PDE4B: variants seen among roughly 807,000 people sequenced by gnomAD.
PDE4B encodes 3',5'-cyclic-AMP phosphodiesterase 4B.
In PDE4B, 20 loss-of-function variants were observed where a neutral mutation model predicts 82.2. The observed-to-expected ratio is 0.24, with a 90% CI of 0.17 to 0.35. PDE4B has a LOEUF of 0.35. PDE4B is among the 10% of genes least tolerant of loss of function. The pLI is 1.00. For missense variants in PDE4B, 655 were observed against 907.2 expected, an observed-to-expected ratio of 0.72 and a Z score of 3.57; for synonymous variants, 320 against 318.9, an observed-to-expected ratio of 1.00 and a Z score of -0.04.
intron 3 of PDE4B, among the ~76,000 whole-genome samples, chr1:65,972,712 T>G (rs1420321053): frequency 1.3e-5 from 2 of 152,232 alleles, no homozygotes; most frequent in Non-Finnish European, 2.9e-5. Flanking sequence ...TCTGATTCAC[T>G]TAGTGTTTCT....
intron 7 of PDE4B, among the ~76,000 whole-genome samples, chr1:66,272,945 C>T (rs937676126): frequency 6.6e-6 from 1 of 151,662 alleles, no homozygotes; most frequent in African/African-American, 2.4e-5. Context: ...ACCCCACCAC[C>T]GTGCCCAGCT....
At chr1:66,259,732 C>G (rs1654537122) in intron 6 of PDE4B, among the ~76,000 whole-genome samples, 1 of 152,212 alleles carries the variant, frequency 6.6e-6, no homozygotes. Flanking sequence ...GCCTGACATA[C>G]AGTTTGTGCT....
At chr1:65,800,155 T>C (rs1645678514) in intron 1 of PDE4B, among the ~76,000 whole-genome samples, 1 of 152,116 alleles carries the variant, frequency 6.6e-6, no homozygotes, top group African/African-American at 2.4e-5. Context: ...ATTAAAACCA[T>C]AGAATGATAA....
chr1:66,309,072 T>G (rs950616292), intron 7 of PDE4B, among the ~76,000 whole-genome samples: 5 of 152,164 alleles, frequency 3.3e-5, no homozygotes, highest in African/African-American at 1.2e-4. Flanking sequence ...TCCTGTGTCT[T>G]TATGAGTGTT....
intron 3 of PDE4B, among the ~76,000 whole-genome samples, chr1:65,986,919 TGAA>T (rs1336088481): frequency 1.3e-5 from 2 of 152,100 alleles, no homozygotes; most frequent in Admixed American, 6.5e-5. Context: ...GGGCAGATGC[TGAA>T]GGAGATGAGG....
intron 3 of PDE4B, among the ~76,000 whole-genome samples, chr1:66,073,094 T>TG (rs1367612724): frequency 6.6e-6 from 1 of 151,932 alleles, no homozygotes; most frequent in African/African-American, 2.4e-5. Context: ...ATGCCCTCGC[T>TG]GGGGTTTGAT....
At chr1:65,895,549 CA>C (rs10605148) in intron 1 of PDE4B, among the ~76,000 whole-genome samples, 7,538 of 91,972 alleles carry the variant, frequency 0.082, 168 homozygotes, top group East Asian at 0.27. Context: ...GACACTGTCT[CA>C]AAAAAAAAAA....
chr1:66,372,666 C>T lies in PDE4B; in HGVS notation c.2199C>T (p.Pro733=), dbSNP rs925639564. The T allele has an allele frequency of 9.3e-6, 15 of 1,611,388 alleles. No individual in the cohort carries two copies. Among genetic ancestry groups the T allele is most frequent in the South Asian group, 8.8e-5 (8 of 90,874 alleles). ...ACATTGCAACAGAAGACAAGTCCCCCGTGGATACATAATCCCCCTCTCCCT... is the reference window on the plus strand; with the variant it reads ...ACATTGCAACAGAAGACAAGTCCCCTGTGGATACATAATCCCCCTCTCCCT... ...DIDIATEDKS[P]VDT is the part of the protein sequence containing the mutation. Residue 733 remains proline (P), a synonymous_variant, in exon 17 of 17, where the codon CCC becomes CCT. Coordinates refer to ENST00000341517, the MANE Select transcript of PDE4B (RefSeq NM_002600.4).
At chr1:65,915,867 T>C (rs926682011) in intron 2 of PDE4B, among the ~76,000 whole-genome samples, 1 of 152,196 alleles carries the variant, frequency 6.6e-6, no homozygotes, top group African/African-American at 2.4e-5. Context: ...TTTTTCATAT[T>C]ACCAGGGAAT....
At chr1:66,170,852 T>C (rs1287929936) in intron 3 of PDE4B, among the ~76,000 whole-genome samples, 1 of 152,226 alleles carries the variant, frequency 6.6e-6, no homozygotes, top group Non-Finnish European at 1.5e-5. Context: ...TGATTTACCC[T>C]TTTGTAATAT....
At chr1:66,121,093 C>T (rs1430071489) in intron 3 of PDE4B, among the ~76,000 whole-genome samples, 1 of 152,012 alleles carries the variant, frequency 6.6e-6, no homozygotes, top group Non-Finnish European at 1.5e-5. Flanking sequence ...TAAGGATAGA[C>T]CAGAAAATAG....
At chr1:66,319,321 T>G (rs1346426317) in intron 7 of PDE4B, among the ~76,000 whole-genome samples, 5 of 152,208 alleles carry the variant, frequency 3.3e-5, no homozygotes, top group Non-Finnish European at 7.3e-5. Flanking sequence ...CTTCACTGAC[T>G]CTTGAAATTC....
At chr1:65,925,580 T>C (rs1339651304) in intron 3 of PDE4B, among the ~76,000 whole-genome samples, 1 of 152,174 alleles carries the variant, frequency 6.6e-6, no homozygotes, top group East Asian at 1.9e-4. Context: ...GTTTTGTCTG[T>C]TTTTGAACTT....
Position 66,077,136 on chromosome 1 carries a change from G to T in PDE4B, c.281+158301G>T, listed in dbSNP as rs114552809. On this transcript the variant is annotated intron_variant, in intron 3 of 16. Transcript: ENST00000341517. ...TCCTAGGTTTTCTTTTAGGATCTTT[G>T]TAGTTTGAGATCTAACATTTAAGTC... Among the ~76,000 whole-genome samples the T allele has an allele frequency of 8.2e-3, 1,248 of 152,034 alleles. 20 individuals are homozygous for T. Among genetic ancestry groups the T allele is most frequent in the African/African-American group, 0.029 (1,195 of 41,502 alleles).
chr1:66,249,064 C>T (rs1321602206), intron 4 of PDE4B, among the ~76,000 whole-genome samples: 1 of 152,158 alleles, frequency 6.6e-6, no homozygotes, highest in African/African-American at 2.4e-5. Context: ...TGCAAAGTGG[C>T]ATCTCTACCA....
chr1:66,133,564 C>T (rs1306855265), intron 3 of PDE4B, among the ~76,000 whole-genome samples: 6 of 152,202 alleles, frequency 3.9e-5, no homozygotes, highest in African/African-American at 7.2e-5. Flanking sequence ...ATAGGACAAC[C>T]TTGTCTTGAG....
At chr1:65,970,936 G>T (rs1650097211) in intron 3 of PDE4B, among the ~76,000 whole-genome samples, 1 of 151,652 alleles carries the variant, frequency 6.6e-6, no homozygotes, top group African/African-American at 2.4e-5. Flanking sequence ...CGGGATCTTG[G>T]CTTGAGTTTG....
At position 66,361,716 on chromosome 1, in the gene PDE4B, A is replaced by T. The variant is rs1662786932; in HGVS notation, c.943A>T (p.Met315Leu). ...MTQISGVKKL[M>L]HSSSLNNTSI... ...CCAGATAAGTGGAGTGAAGAAATTAATGCATAGTTCAAGCCTAAACAATAC... is the reference window on the plus strand; with the variant it reads ...CCAGATAAGTGGAGTGAAGAAATTATTGCATAGTTCAAGCCTAAACAATAC... The change falls in exon 10 of 17, where the codon ATG becomes TTG. Residue 315 changes from methionine to leucine, a missense_variant. Physicochemically the swap from Met to Leu is conservative, Grantham distance 15. Around this residue, in one of 3 missense-constraint regions of PDE4B, gnomAD observed 283 missense variants for 516.4 expected, o/e 0.55. Transcript: ENST00000341517. 6.2e-7 allele frequency: 1 copy of T among 1,613,544 alleles called. No homozygotes were observed. The highest frequency in any genetic ancestry group is 1.7e-5 in the Admixed American group (1 of 59,970).
intron 3 of PDE4B, among the ~76,000 whole-genome samples, chr1:66,018,459 G>T (rs1451274363): frequency 6.6e-6 from 1 of 152,048 alleles, no homozygotes; most frequent in African/African-American, 2.4e-5. Context: ...AGAGTATGTG[G>T]TTTTGACTTT....
Sources: gnomAD v4.1 joint callset for allele counts (sites outside exome capture counted in the v4.1 genomes callset) on GRCh38, gnomAD v4.1.1 for gene constraint, gnomAD v4.1.1 regional missense constraint, MANE v1.5 for transcripts, NCBI Gene and HGNC (gene_info 2026-07-23, HGNC 2026-07-21) for gene names.